The following MGMT variants were observed in gnomAD, a reference collection of about 807,000 sequenced individuals.
MGMT encodes methylated-DNA--protein-cysteine methyltransferase.
MGMT carries 14 observed loss-of-function variants against 15.9 expected under a neutral mutation model. That is an observed-to-expected ratio of 0.88 (90% confidence interval 0.58 to 1.37). The LOEUF (loss-of-function observed/expected upper bound fraction) is 1.37, where lower values mean the gene tolerates loss of function less well. MGMT is among the 40% of genes most tolerant of loss of function. The pLI, the probability that MGMT is intolerant of heterozygous loss-of-function variation, is 0.00. For missense variants in MGMT, 282 were observed against 268.1 expected, an observed-to-expected ratio of 1.05 and a Z score of -0.36; for synonymous variants, 130 against 118.2, an observed-to-expected ratio of 1.10 and a Z score of -0.65.
At chr10:129,546,064 G>A (rs1038192772) in intron 2 of MGMT, among the ~76,000 whole-genome samples, 2 of 152,190 alleles carry the variant, frequency 1.3e-5, no homozygotes, top group Non-Finnish European at 1.5e-5. Flanking sequence ...GTCTTTTTGC[G>A]ATAAAAACAT....
chr10:129,764,381 C>T (rs1848909520), intron 4 of MGMT, among the ~76,000 whole-genome samples: 1 of 152,226 alleles, frequency 6.6e-6, no homozygotes, highest in Non-Finnish European at 1.5e-5. Context: ...CTGGGCCCCA[C>T]AGAGGGCCAC....
At chr10:129,691,082 G>A (rs1202963337) in intron 2 of MGMT, among the ~76,000 whole-genome samples, 1 of 152,240 alleles carries the variant, frequency 6.6e-6, no homozygotes, top group Non-Finnish European at 1.5e-5. Context: ...CAACTGACAT[G>A]GAGTGCGGGA....
At chr10:129,627,526 T>C (rs967723722) in intron 2 of MGMT, among the ~76,000 whole-genome samples, 3 of 152,206 alleles carry the variant, frequency 2.0e-5, no homozygotes, top group Admixed American at 1.3e-4. Flanking sequence ...CTGTATTTTT[T>C]TGTGATGTCT....
At position 129,669,056 on chromosome 10, in the gene MGMT, G is replaced by T. The variant is rs186217225; in HGVS notation, c.126-38839G>T. 2.0e-4 allele frequency among the ~76,000 whole-genome samples: 30 copies of T among 152,212 alleles called. 1 individual carries two copies. Among genetic ancestry groups the T allele is most frequent in the Admixed American group, 9.8e-4 (15 of 15,286 alleles). ...GTAAGTGTTATGCATTTATTAATTG[G>T]CAGTGCTTCCTTAAGTGTTTGTTGG... On this transcript the variant is annotated intron_variant, in intron 2 of 4. Transcript: ENST00000651593.
chr10:129,661,558 T>C (rs1371731570), intron 2 of MGMT, among the ~76,000 whole-genome samples: 1 of 152,254 alleles, frequency 6.6e-6, no homozygotes, highest in Non-Finnish European at 1.5e-5. Flanking sequence ...TACTTATACA[T>C]ATTCTTTGCT....
intron 2 of MGMT, among the ~76,000 whole-genome samples, chr10:129,645,556 G>T (rs118166493): frequency 6.6e-6 from 1 of 152,164 alleles, no homozygotes; most frequent in Non-Finnish European, 1.5e-5. Context: ...TCATGGAGAT[G>T]TCTGACCGTT....
chr10:129,612,225 GA>G (rs1435531308), intron 2 of MGMT, among the ~76,000 whole-genome samples: 2 of 152,308 alleles, frequency 1.3e-5, no homozygotes, highest in African/African-American at 4.8e-5. Context: ...GGATTGTGGA[GA>G]TGCAAGTTCT....
At chr10:129,741,147 A>C (rs774767084) in intron 3 of MGMT, among the ~76,000 whole-genome samples, 4 of 152,130 alleles carry the variant, frequency 2.6e-5, no homozygotes, top group Non-Finnish European at 5.9e-5. Flanking sequence ...TTGACTTTTG[A>C]AAAGTGGTCT....
chr10:129,608,724 C>A (rs1310046408), intron 2 of MGMT, among the ~76,000 whole-genome samples: 2 of 152,142 alleles, frequency 1.3e-5, no homozygotes, highest in African/African-American at 4.8e-5. Context: ...CAATAATTGT[C>A]TCAGCTGCTT....
At chr10:129,604,886 T>G (rs1054101255) in intron 2 of MGMT, among the ~76,000 whole-genome samples, 1 of 152,178 alleles carries the variant, frequency 6.6e-6, no homozygotes, top group Non-Finnish European at 1.5e-5. Context: ...GCTGCGTCAA[T>G]AAAGATAGCA....
At chr10:129,715,539 C>T (rs932425352) in intron 3 of MGMT, 6 of 152,142 alleles carry the variant, frequency 3.9e-5, no homozygotes, top group Non-Finnish European at 8.8e-5. Flanking sequence ...GGACATGTGC[C>T]GCTCCAAAAG....
chr10:129,567,537 G>C (rs1846370460), intron 2 of MGMT, among the ~76,000 whole-genome samples: 1 of 152,072 alleles, frequency 6.6e-6, no homozygotes, highest in East Asian at 1.9e-4. Flanking sequence ...CCCAACAGTA[G>C]GTTGAAAATC....
At chr10:129,591,276 T>C (rs1846681663) in intron 2 of MGMT, among the ~76,000 whole-genome samples, 2 of 152,224 alleles carry the variant, frequency 1.3e-5, no homozygotes, top group Non-Finnish European at 2.9e-5. Flanking sequence ...TGCAAGCAGT[T>C]CTTTCCAGGC....
chr10:129,719,971 T>A (rs1848350161), intron 3 of MGMT, among the ~76,000 whole-genome samples: 1 of 152,194 alleles, frequency 6.6e-6, no homozygotes, highest in African/African-American at 2.4e-5. Flanking sequence ...GACAGCTGAC[T>A]CCACCTGGTC....
At chr10:129,725,461 T>C (rs927809992) in intron 3 of MGMT, among the ~76,000 whole-genome samples, 13 of 152,396 alleles carry the variant, frequency 8.5e-5, no homozygotes, top group African/African-American at 2.6e-4. Context: ...AGCCTGCTGC[T>C]GTCATGGAAC....
At chr10:129,608,360 G>A (rs1846917779) in intron 2 of MGMT, among the ~76,000 whole-genome samples, 1 of 152,230 alleles carries the variant, frequency 6.6e-6, no homozygotes, top group Admixed American at 6.5e-5. Context: ...AGGAACTCCG[G>A]GTTTGCGCCG....
At chr10:129,632,478 A>G (rs904140762) in intron 2 of MGMT, among the ~76,000 whole-genome samples, 1 of 152,208 alleles carries the variant, frequency 6.6e-6, no homozygotes, top group African/African-American at 2.4e-5. Flanking sequence ...GTACGGGGCA[A>G]AAGCACACGG....
chr10:129,690,932 G>A (rs1339853286), intron 2 of MGMT, among the ~76,000 whole-genome samples: 3 of 152,210 alleles, frequency 2.0e-5, no homozygotes, highest in South Asian at 2.1e-4. Context: ...AACCAGGCAG[G>A]ATTTTAGGAA....
chr10:129,582,899 C>T (rs1357387115), intron 2 of MGMT, among the ~76,000 whole-genome samples: 1 of 152,072 alleles, frequency 6.6e-6, no homozygotes, highest in Non-Finnish European at 1.5e-5. Context: ...ATATTTATGA[C>T]CGAAAACAGT....
Sources: allele counts gnomAD v4.1 joint callset (sites outside exome capture counted in the v4.1 genomes callset), GRCh38; gene constraint gnomAD v4.1.1; transcripts MANE v1.5; gene names NCBI Gene and HGNC (gene_info 2026-07-23, HGNC 2026-07-21).